Variants in NAALADL2 observed in about 807,000 individuals in gnomAD.
The protein encoded by NAALADL2 is N-acetylated alpha-linked acidic dipeptidase like 2.
NAALADL2 carries 76 observed loss-of-function variants against 87.2 expected under a neutral mutation model. The ratio of observed to expected loss-of-function variants is 0.87; its 90% CI spans 0.72 to 1.05. The LOEUF (loss-of-function observed/expected upper bound fraction) is 1.05, where lower values mean the gene tolerates loss of function less well. Among genes scored for constraint, NAALADL2 ranks in the 50% least tolerant of loss-of-function variants. The pLI is 0.00. For missense variants in NAALADL2, 1,089 were observed against 945.8 expected, an observed-to-expected ratio of 1.15 and a Z score of -1.99; for synonymous variants, 354 against 331.0, an observed-to-expected ratio of 1.07 and a Z score of -0.75.
intron 1 of NAALADL2, among the ~76,000 whole-genome samples, chr3:175,051,475 G>C (rs1755382600): frequency 6.6e-6 from 1 of 152,120 alleles, no homozygotes; most frequent in Non-Finnish European, 1.5e-5. Flanking sequence ...TGTGGTTATA[G>C]AACTGAGCCT....
At chr3:174,585,400 T>C (rs2108570447) in intron 2 of NAALADL2, among the ~76,000 whole-genome samples, 1 of 152,308 alleles carries the variant, frequency 6.6e-6, no homozygotes, top group Admixed American at 6.5e-5. Context: ...AAAAAAATAG[T>C]TATCAGTAAC....
chr3:175,197,289 C>T lies in NAALADL2; in HGVS notation c.546-36642C>T, dbSNP rs374898692. On this transcript the variant is annotated intron_variant, in intron 2 of 13. Transcript: ENST00000454872. ...CGTAGAGTCCGTAAGCTTTTGTGTGCATATGTTTTAATAAATTAAAACTTT... is the reference window on the plus strand; with the variant it reads ...CGTAGAGTCCGTAAGCTTTTGTGTGTATATGTTTTAATAAATTAAAACTTT... 2.5e-4 allele frequency among the ~76,000 whole-genome samples: 38 copies of T among 152,054 alleles called. No homozygotes were observed. In the East Asian group the frequency reaches 5.8e-3, roughly 23 times the overall value.
intron 10 of NAALADL2, among the ~76,000 whole-genome samples, chr3:175,604,114 C>T (rs1456975724): frequency 6.6e-6 from 1 of 152,058 alleles, no homozygotes; most frequent in Non-Finnish European, 1.5e-5. Context: ...TTTGGAGGAA[C>T]TTCCATACTA....
At chr3:174,849,609 C>T (rs576142703) in intron 3 of NAALADL2, among the ~76,000 whole-genome samples, 22 of 151,826 alleles carry the variant, frequency 1.4e-4, no homozygotes, top group African/African-American at 4.6e-4. Flanking sequence ...GTGGCGGGTG[C>T]CTGTAATCCC....
upstream of NAALADL2, among the ~76,000 whole-genome samples, chr3:174,856,383 G>A (rs1004063862): frequency 1.3e-4 from 20 of 152,070 alleles, no homozygotes; most frequent in African/African-American, 4.8e-4. Context: ...AATGATCATC[G>A]TGGTCCAAAA....
chr3:175,649,347 A>C (rs1322640616), intron 11 of NAALADL2, among the ~76,000 whole-genome samples: 2 of 152,064 alleles, frequency 1.3e-5, no homozygotes, highest in African/African-American at 4.8e-5. Flanking sequence ...TCAATGAAGA[A>C]AGACTCTTTC....
At chr3:174,716,120 A>G (rs1422505838) in intron 2 of NAALADL2, among the ~76,000 whole-genome samples, 1 of 152,104 alleles carries the variant, frequency 6.6e-6, no homozygotes, top group Admixed American at 6.6e-5. Context: ...TTATCTCATC[A>G]TGTAGAATAT....
intron 2 of NAALADL2, among the ~76,000 whole-genome samples, chr3:175,190,257 G>C (rs559460153): frequency 5.3e-5 from 8 of 151,994 alleles, no homozygotes; most frequent in African/African-American, 1.9e-4. Context: ...GGAAACAACA[G>C]AATGAAGCAA....
At chr3:175,073,162 A>G (rs959480495) in intron 1 of NAALADL2, among the ~76,000 whole-genome samples, 2 of 152,028 alleles carry the variant, frequency 1.3e-5, no homozygotes, top group African/African-American at 4.8e-5. Flanking sequence ...GAATACCACA[A>G]TTGCCTTCTC....
intron 3 of NAALADL2, among the ~76,000 whole-genome samples, chr3:175,244,911 G>T (rs568142359): frequency 6.6e-6 from 1 of 152,236 alleles, no homozygotes; most frequent in African/African-American, 2.4e-5. Flanking sequence ...ACTTTTTGTT[G>T]TTGTTGTTGA....
At chr3:174,605,244 G>C (rs1424151189) in intron 2 of NAALADL2, among the ~76,000 whole-genome samples, 2 of 152,218 alleles carry the variant, frequency 1.3e-5, no homozygotes, top group African/African-American at 2.4e-5. Context: ...CAACGCAGAA[G>C]ACGGGTGATT....
At chr3:174,473,752 C>T (rs978302612) in intron 1 of NAALADL2, among the ~76,000 whole-genome samples, 5 of 151,998 alleles carry the variant, frequency 3.3e-5, no homozygotes, top group African/African-American at 1.2e-4. Flanking sequence ...ATGGATTTCA[C>T]TATTTGATTA....
chr3:175,227,706 T>A (rs1744360937), intron 2 of NAALADL2, among the ~76,000 whole-genome samples: 1 of 151,982 alleles, frequency 6.6e-6, no homozygotes, highest in East Asian at 1.9e-4. Flanking sequence ...ATTTTAACAT[T>A]CTAAATGATT....
rs148355322 is a variant in NAALADL2, at chr3:175,147,056, A to G, written c.545+49765A>G. The stretch of plus-strand genomic sequence containing the variant: ...AACTCAACTAAGATCTTTTGAAGTA[A>G]TTCTGTAGTTAAGAAAAGCAAACAT... On this transcript the variant is annotated intron_variant, in intron 2 of 13. Coordinates refer to ENST00000454872, the MANE Select transcript of NAALADL2 (RefSeq NM_207015.3). Among the ~76,000 whole-genome samples, 392 of 152,260 alleles carry G rather than the reference A, an allele frequency of 2.6e-3. 1 individual carries two copies. The highest frequency in any genetic ancestry group is 9.1e-3 in the African/African-American group (379 of 41,562).
At chr3:175,787,288 A>G (rs1478203979) in intron 13 of NAALADL2, among the ~76,000 whole-genome samples, 4 of 152,050 alleles carry the variant, frequency 2.6e-5, no homozygotes, top group Non-Finnish European at 5.9e-5. Flanking sequence ...AGCCTGGGCA[A>G]TGGCGGGTGC....
chr3:174,918,079 A>T (rs759120610), intron 1 of NAALADL2, among the ~76,000 whole-genome samples: 72 of 152,150 alleles, frequency 4.7e-4, no homozygotes, highest in South Asian at 2.1e-4. Context: ...AATTTTTACT[A>T]TGTAGCATAT....
At chr3:175,593,334 GTTTTC>G (rs1269159190) in intron 10 of NAALADL2, among the ~76,000 whole-genome samples, 2 of 152,142 alleles carry the variant, frequency 1.3e-5, no homozygotes, top group African/African-American at 4.8e-5. Flanking sequence ...AGTGGTTTAT[GTTTTC>G]TTTTCTCTTC....
At chr3:175,411,895 A>T (rs1713592509) in intron 5 of NAALADL2, among the ~76,000 whole-genome samples, 1 of 152,098 alleles carries the variant, frequency 6.6e-6, no homozygotes, top group Admixed American at 6.5e-5. Flanking sequence ...ATTGCTTGCA[A>T]GATGCCAGAG....
intron 3 of NAALADL2, among the ~76,000 whole-genome samples, chr3:174,823,104 C>T (rs900786935): frequency 4.6e-5 from 7 of 152,114 alleles, no homozygotes; most frequent in African/African-American, 1.2e-4. Context: ...TTTGTAGATA[C>T]GTGCTTTTGG....
Sources: gnomAD v4.1 joint callset for allele counts (sites outside exome capture counted in the v4.1 genomes callset) on GRCh38, gnomAD v4.1.1 for gene constraint, MANE v1.5 for transcripts, NCBI Gene and HGNC (gene_info 2026-07-23, HGNC 2026-07-21) for gene names.